The following CACNA2D3 variants were observed in gnomAD, a reference collection of about 807,000 sequenced individuals.
CACNA2D3 encodes calcium voltage-gated channel auxiliary subunit alpha2delta 3.
Under a neutral mutation model 160.6 loss-of-function variants are expected in CACNA2D3, and 60 were observed. That is an observed-to-expected ratio of 0.37 (90% CI 0.30 to 0.46). The LOEUF (loss-of-function observed/expected upper bound fraction) is 0.46. Ranked by LOEUF, CACNA2D3 falls within the 20% of genes least tolerant of loss-of-function variation. The pLI is 1.00. For missense variants in CACNA2D3, 1,205 were observed against 1,365.0 expected, an observed-to-expected ratio of 0.88 and a Z score of 1.85; for synonymous variants, 558 against 492.9, an observed-to-expected ratio of 1.13 and a Z score of -1.75.
intron 5 of CACNA2D3, among the ~76,000 whole-genome samples, chr3:54,544,906 A>G (rs1702038059): frequency 6.6e-6 from 1 of 152,264 alleles, no homozygotes; most frequent in Non-Finnish European, 1.5e-5. Flanking sequence ...GTTTAAAAAT[A>G]ATCATCAAAT....
intron 4 of CACNA2D3, among the ~76,000 whole-genome samples, chr3:54,452,766 A>T (rs549233071): frequency 2.3e-4 from 35 of 152,206 alleles, no homozygotes; most frequent in African/African-American, 8.4e-4. Flanking sequence ...TCTGAAATTG[A>T]GATGTCAGCA....
At chr3:54,954,304 T>G (rs1368222077) in intron 27 of CACNA2D3, among the ~76,000 whole-genome samples, 1 of 152,188 alleles carries the variant, frequency 6.6e-6, no homozygotes, top group Admixed American at 6.5e-5. Flanking sequence ...GCACGAACAC[T>G]TCCCCACTGA....
chr3:54,929,821 G>A (rs1245589493), intron 27 of CACNA2D3, among the ~76,000 whole-genome samples: 1 of 151,990 alleles, frequency 6.6e-6, no homozygotes, highest in Non-Finnish European at 1.5e-5. Context: ...CATTATTAAT[G>A]GAAATACATA....
At chr3:54,934,985 G>C (rs539729361) in intron 27 of CACNA2D3, among the ~76,000 whole-genome samples, 1 of 152,194 alleles carries the variant, frequency 6.6e-6, no homozygotes, top group African/African-American at 2.4e-5. Context: ...TGATCCACCC[G>C]CCTTGGCCTC....
At chr3:54,403,205 A>T (rs1341561419) in intron 4 of CACNA2D3, among the ~76,000 whole-genome samples, 2 of 152,078 alleles carry the variant, frequency 1.3e-5, no homozygotes, top group African/African-American at 2.4e-5. Flanking sequence ...AATAAAAAAA[A>T]GTAGCCGGTC....
intron 35 of CACNA2D3, among the ~76,000 whole-genome samples, chr3:55,073,030 C>T (rs755053746): frequency 2.0e-5 from 3 of 152,158 alleles, no homozygotes; most frequent in South Asian, 2.1e-4. Flanking sequence ...TTCAGTCTAT[C>T]GTTGAGGGAA....
At chr3:54,192,293 G>T (rs1433502553) in intron 2 of CACNA2D3, among the ~76,000 whole-genome samples, 1 of 152,098 alleles carries the variant, frequency 6.6e-6, no homozygotes, top group East Asian at 1.9e-4. Flanking sequence ...GAGAGTTTAT[G>T]CTAAAGGGGA....
chr3:54,874,315 C>T (rs866979230), intron 18 of CACNA2D3, among the ~76,000 whole-genome samples: 1 of 152,142 alleles, frequency 6.6e-6, no homozygotes, highest in Non-Finnish European at 1.5e-5. Flanking sequence ...AGATCTTTGG[C>T]GGACCCGTGT....
intron 12 of CACNA2D3, among the ~76,000 whole-genome samples, chr3:54,757,032 C>T (rs969817355): frequency 1.3e-4 from 20 of 152,074 alleles, no homozygotes; most frequent in African/African-American, 4.8e-4. Flanking sequence ...TAAAGTTATG[C>T]GTTCACACTA....
intron 13 of CACNA2D3, among the ~76,000 whole-genome samples, chr3:54,806,233 T>A (rs1007292187): frequency 6.6e-6 from 1 of 151,976 alleles, no homozygotes; most frequent in African/African-American, 2.4e-5. Flanking sequence ...AAATAAAGAG[T>A]ATTCAATTAG....
At chr3:54,880,034 C>T (rs899147796) in intron 20 of CACNA2D3, among the ~76,000 whole-genome samples, 2 of 152,206 alleles carry the variant, frequency 1.3e-5, no homozygotes, top group Non-Finnish European at 2.9e-5. Flanking sequence ...TATTCCTGAA[C>T]TGGCGTCTCA....
intron 35 of CACNA2D3, among the ~76,000 whole-genome samples, chr3:55,064,320 C>T (rs1159662566): frequency 6.6e-6 from 1 of 152,196 alleles, no homozygotes; most frequent in Non-Finnish European, 1.5e-5. Context: ...CCTGCTAAGT[C>T]ACCCACTGAA....
chr3:54,463,717 T>G lies in CACNA2D3; in HGVS notation c.382-39775T>G, dbSNP rs13324991. Among the ~76,000 whole-genome samples the G allele has an allele frequency of 4.9e-3, 741 of 152,344 alleles. 1 individual carries two copies. Among genetic ancestry groups the G allele is most frequent in the African/African-American group, 0.017 (720 of 41,586 alleles). On this transcript the variant is annotated intron_variant, in intron 4 of 37. Transcript: ENST00000474759. ...TTAACTTTTTTGCCTTTGGTTTGAA[T>G]TTCCTCCTGTAGCTCGGAGTAGTTT...
chr3:54,618,098 T>C (rs1698895281), intron 9 of CACNA2D3, among the ~76,000 whole-genome samples: 1 of 151,858 alleles, frequency 6.6e-6, no homozygotes, highest in East Asian at 1.9e-4. Flanking sequence ...TACTATATGC[T>C]GAACTCTGTA....
chr3:54,932,672 C>G (rs567242845), intron 27 of CACNA2D3, among the ~76,000 whole-genome samples: 4 of 152,316 alleles, frequency 2.6e-5, no homozygotes, highest in East Asian at 1.9e-4. Flanking sequence ...CAAGGGGTCT[C>G]TACGTGTGAT....
chr3:54,478,664 A>ATATATATATATTGC lies in CACNA2D3; in HGVS notation c.382-24817_382-24816insTGCTATATATATAT, dbSNP rs1559493294. On this transcript the variant is annotated intron_variant, in intron 4 of 37. Coordinates refer to ENST00000474759, the MANE Select transcript of CACNA2D3 (RefSeq NM_018398.3). ...TATATATATAAATATGTGTGTGTATATATATATATATATATTGCTTGTCAT... is the reference window on the plus strand; with the variant it reads ...TATATATATAAATATGTGTGTGTATATATATATATATTGCTATATATATATATATTGCTTGTCAT... 1.8e-4 allele frequency among the ~76,000 whole-genome samples: 21 copies of ATATATATATATTGC among 117,082 alleles called. 4 individuals carry two copies. Among genetic ancestry groups the ATATATATATATTGC allele is most frequent in the Middle Eastern group, 4.0e-3 (1 of 250 alleles). The allele number at this position is 117,082 out of a possible 152,430, so 76.8% of individuals were successfully genotyped here. A position where few individuals can be genotyped will look rare whatever the true frequency, so the allele number is the denominator to read the frequency against.
chr3:54,453,708 A>G (rs1017347529), intron 4 of CACNA2D3, among the ~76,000 whole-genome samples: 1 of 152,012 alleles, frequency 6.6e-6, no homozygotes. Context: ...TCTTGGTGTT[A>G]CTGTTAGGTA....
chr3:54,770,694 CAT>C (rs1702304966), intron 13 of CACNA2D3, among the ~76,000 whole-genome samples: 2 of 152,178 alleles, frequency 1.3e-5, no homozygotes. Context: ...GTGCACGAAG[CAT>C]ATGTCTGTTC....
chr3:54,774,437 A>G (rs1443937880), intron 13 of CACNA2D3, among the ~76,000 whole-genome samples: 1 of 151,938 alleles, frequency 6.6e-6, no homozygotes, highest in Non-Finnish European at 1.5e-5. Context: ...TTGAGCAACC[A>G]GATCTCGTGA....
Sources: gnomAD v4.1 joint callset for allele counts (sites outside exome capture counted in the v4.1 genomes callset) on GRCh38, gnomAD v4.1.1 for gene constraint, MANE v1.5 for transcripts, NCBI Gene and HGNC (gene_info 2026-07-23, HGNC 2026-07-21) for gene names.